The following TSPAN5 variants were observed in gnomAD, a reference collection of about 807,000 sequenced individuals.
TSPAN5 encodes the protein tetraspanin 5, also known as tetraspanin-5.
In TSPAN5, 10 loss-of-function variants were observed where a neutral mutation model predicts 37.1. The observed-to-expected ratio is 0.27, with a 90% CI of 0.17 to 0.46. TSPAN5 has a LOEUF of 0.46. TSPAN5 is among the 20% of genes least tolerant of loss of function. The probability of loss-of-function intolerance (pLI) is 1.00; values close to 1 mark genes in which losing one functional copy is unlikely to be tolerated. For synonymous variants in TSPAN5, 110 were observed against 118.9 expected (o/e 0.93, Z 0.48); for missense variants, 195 against 326.6 (o/e 0.60, Z 3.11).
chr4:98,632,916 T>A (rs1756779383), intron 1 of TSPAN5, among the ~76,000 whole-genome samples: 1 of 152,126 alleles, frequency 6.6e-6, no homozygotes, highest in Admixed American at 6.5e-5. Flanking sequence ...TGGAGGTCAC[T>A]CATAGCATGA....
At chr4:98,599,380 A>G (rs1250295956) in intron 1 of TSPAN5, among the ~76,000 whole-genome samples, 1 of 152,194 alleles carries the variant, frequency 6.6e-6, no homozygotes, top group Non-Finnish European at 1.5e-5. Flanking sequence ...TCAGCAGTAA[A>G]ATTTACAAGA....
intron 1 of TSPAN5, among the ~76,000 whole-genome samples, chr4:98,639,312 TTCTAATCTAA>T (rs368308750): frequency 3.3e-5 from 5 of 152,128 alleles, no homozygotes; most frequent in African/African-American, 1.2e-4. Flanking sequence ...TATCTATCTA[TTCTAATCTAA>T]TCTAATCTAA....
At chr4:98,612,841 C>G (rs1288765715) in intron 1 of TSPAN5, among the ~76,000 whole-genome samples, 1 of 152,228 alleles carries the variant, frequency 6.6e-6, no homozygotes, top group East Asian at 1.9e-4. Flanking sequence ...ACAGGGCTAA[C>G]CTCTCCATCC....
At chr4:98,646,347 G>A (rs1757069490) in intron 1 of TSPAN5, among the ~76,000 whole-genome samples, 1 of 152,084 alleles carries the variant, frequency 6.6e-6, no homozygotes, top group Admixed American at 6.5e-5. Flanking sequence ...ACCAAAATAT[G>A]CAGGATTTAT....
At position 98,609,145 on chromosome 4, in the gene TSPAN5, A is replaced by AGC. The variant is rs562506626; in HGVS notation, c.81+48999_81+49000dup. On this transcript the variant is annotated intron_variant, in intron 1 of 7. Coordinates refer to ENST00000305798, the MANE Select transcript of TSPAN5 (RefSeq NM_005723.4). ...AAAATGAAAAGAAAAAAAACCCAAC[A>AGC]GCTACCACCACTAGACCAAGATTTT... is the stretch of plus-strand genomic sequence containing the variant. Among the ~76,000 whole-genome samples, 299 of 152,338 alleles carry AGC rather than the reference A, an allele frequency of 2.0e-3. 1 individual carries two copies. Among genetic ancestry groups the AGC allele is most frequent in the Non-Finnish European group, 3.8e-3 (260 of 68,032 alleles).
chr4:98,608,786 AC>A (rs1579026957), intron 1 of TSPAN5, among the ~76,000 whole-genome samples: 1 of 152,216 alleles, frequency 6.6e-6, no homozygotes, highest in Non-Finnish European at 1.5e-5. Context: ...TCTCTCCTCG[AC>A]AGTTCTCTCT....
intron 2 of TSPAN5, among the ~76,000 whole-genome samples, chr4:98,495,400 G>A (rs1176104009): frequency 6.6e-6 from 1 of 151,866 alleles, no homozygotes; most frequent in Non-Finnish European, 1.5e-5. Flanking sequence ...GTGGTGGTGG[G>A]AGTAGTCCCA....
intron 7 of TSPAN5, among the ~76,000 whole-genome samples, chr4:98,475,588 T>C (rs935456610): frequency 2.6e-5 from 4 of 152,332 alleles, no homozygotes; most frequent in African/African-American, 9.6e-5. Flanking sequence ...ATGTAAACGA[T>C]GGAATGCCAG....
intron 3 of TSPAN5, chr4:98,486,407 A>G (rs1388306216): frequency 4.8e-6 from 1 of 210,478 alleles, no homozygotes; most frequent in Non-Finnish European, 9.3e-6. Flanking sequence ...GTGCATTAAA[A>G]CGGTGGGAAG....
chr4:98,486,769 G>C lies in TSPAN5; in HGVS notation c.248C>G (p.Ala83Gly). 16 of 1,613,932 alleles carry C rather than the reference G, an allele frequency of 9.9e-6. No individual in the cohort carries two copies. Among genetic ancestry groups the C allele is most frequent in the Non-Finnish European group, 1.2e-5 (14 of 1,180,002 alleles). ...FILGFAGCIG[A>G]LRENTFLLKF... The stretch of plus-strand genomic sequence containing the variant: ...GAGAAGGAAAGTGTTTTCCCGTAGC[G>C]CTCCAATGCACCCTGCAAATCCCAA... The change falls in exon 3 of 8, where the codon GCG becomes GGG. Residue 83 changes from alanine to glycine, a missense_variant. Transcript: ENST00000305798.
At chr4:98,601,736 C>T (rs1357816818) in intron 1 of TSPAN5, among the ~76,000 whole-genome samples, 2 of 152,206 alleles carry the variant, frequency 1.3e-5, no homozygotes, top group Non-Finnish European at 2.9e-5. Context: ...CCTTCAATAA[C>T]TTTTCCTTTG....
At chr4:98,630,426 G>A (rs545292175) in intron 1 of TSPAN5, among the ~76,000 whole-genome samples, 2 of 152,308 alleles carry the variant, frequency 1.3e-5, no homozygotes, top group South Asian at 2.1e-4. Flanking sequence ...GTTTATGTGT[G>A]TATTTATTTA....
chr4:98,585,346 G>A (rs1376527398), intron 1 of TSPAN5, among the ~76,000 whole-genome samples: 1 of 151,526 alleles, frequency 6.6e-6, no homozygotes, highest in Non-Finnish European at 1.5e-5. Context: ...GTCTTGCTCT[G>A]TCACACAGAC....
At chr4:98,519,875 TG>T (rs1350357548) in intron 1 of TSPAN5, among the ~76,000 whole-genome samples, 1 of 152,148 alleles carries the variant, frequency 6.6e-6, no homozygotes, top group Non-Finnish European at 1.5e-5. Flanking sequence ...TAATTTAACT[TG>T]TCAGTCCTCT....
intron 1 of TSPAN5, among the ~76,000 whole-genome samples, chr4:98,512,883 AAG>A (rs1012617960): frequency 4.0e-5 from 6 of 151,878 alleles, no homozygotes; most frequent in Admixed American, 2.0e-4. Flanking sequence ...ACAGTCCAGT[AAG>A]AGAGAGAGAG....
intron 1 of TSPAN5, among the ~76,000 whole-genome samples, chr4:98,642,966 A>G (rs1361012962): frequency 3.3e-5 from 5 of 152,214 alleles, no homozygotes; most frequent in African/African-American, 1.2e-4. Flanking sequence ...TAATTATTGA[A>G]GACAGATATT....
At chr4:98,532,268 A>G (rs986267044) in intron 1 of TSPAN5, among the ~76,000 whole-genome samples, 1 of 152,140 alleles carries the variant, frequency 6.6e-6, no homozygotes, top group African/African-American at 2.4e-5. Context: ...TTGAATCTAT[A>G]ATTACCTTGG....
At chr4:98,570,550 T>C (rs948242339) in intron 1 of TSPAN5, among the ~76,000 whole-genome samples, 2 of 152,060 alleles carry the variant, frequency 1.3e-5, no homozygotes, top group African/African-American at 4.8e-5. Context: ...CTATAGGGCA[T>C]ATATAAATGC....
chr4:98,540,928 A>C (rs1452729762), intron 1 of TSPAN5, among the ~76,000 whole-genome samples: 1 of 152,224 alleles, frequency 6.6e-6, no homozygotes, highest in Admixed American at 6.5e-5. Context: ...ACTTCTAGCC[A>C]AGAAAACTGT....
Sources: allele counts gnomAD v4.1 joint callset (sites outside exome capture counted in the v4.1 genomes callset), GRCh38; gene constraint gnomAD v4.1.1; transcripts MANE v1.5; gene names NCBI Gene and HGNC (gene_info 2026-07-23, HGNC 2026-07-21).